Variants in CYB5B observed in about 807,000 individuals in gnomAD.
CYB5B encodes the protein cytochrome b5 type B.
A neutral mutation model predicts 21.3 loss-of-function variants in CYB5B; 14 were observed. The observed-to-expected ratio is 0.66, with a 90% CI of 0.43 to 1.03. The LOEUF (loss-of-function observed/expected upper bound fraction) is 1.03. Among genes scored for constraint, CYB5B ranks in the 50% least tolerant of loss-of-function variants. The pLI is 0.00. For missense variants in CYB5B, 166 were observed against 185.1 expected (o/e 0.90, Z 0.60); for synonymous variants, 69 against 68.4 (o/e 1.01, Z -0.04).
In CYB5B at chr16:69,464,154, A is replaced by AT. The variant is rs2142830788; in HGVS notation, c.*1637dup. The AT allele has an allele frequency of 6.6e-6, 1 of 152,314 alleles. No individual in the cohort carries two copies. Among genetic ancestry groups the AT allele is most frequent in the Admixed American group, 6.5e-5 (1 of 15,302 alleles). 9.4% of individuals were successfully genotyped at this position (152,314 alleles called of 1,614,324 possible). On this transcript the variant is annotated 3_prime_UTR_variant, in exon 5 of 5. Transcript: ENST00000307892. ...AAACCAGGGACTGCCCATGTAAACT[A>AT]TTTAAGAAAAAGTTCAACCCAGGTC...
intron 1 of CYB5B, among the ~76,000 whole-genome samples, chr16:69,435,091 T>C (rs1375345468): frequency 6.6e-6 from 1 of 152,114 alleles, no homozygotes; most frequent in African/African-American, 2.4e-5. Flanking sequence ...AGCTTTGGGG[T>C]CCAAGTGTCT....
Position 69,465,623 on chromosome 16 carries a change from C to A in CYB5B, c.*3103C>A, listed in dbSNP as rs1258305077. 1 of 152,180 alleles carries A rather than the reference C, an allele frequency of 6.6e-6. No individual in the cohort carries two copies. Among genetic ancestry groups the A allele is most frequent in the Admixed American group, 6.5e-5 (1 of 15,284 alleles). The allele number at this position is 152,180 out of a possible 1,614,324, so 9.4% of individuals were successfully genotyped here. Reference sequence around the variant, plus strand: ...ATACTCATTTAGCTGCAATGTGGGACAATGAAAAATGCTTTACAGGCCTGG... The same window carrying A: ...ATACTCATTTAGCTGCAATGTGGGAAAATGAAAAATGCTTTACAGGCCTGG... On this transcript the variant is annotated 3_prime_UTR_variant, in exon 5 of 5. Transcript: ENST00000307892.
intron 3 of CYB5B, among the ~76,000 whole-genome samples, chr16:69,457,132 T>G (rs1269844620): frequency 6.6e-6 from 1 of 152,206 alleles, no homozygotes; most frequent in South Asian, 2.1e-4. Context: ...TGTTTTAAGT[T>G]ATTTATTGTT....
At chr16:69,435,873 A>G (rs1490774802) in intron 1 of CYB5B, among the ~76,000 whole-genome samples, 1 of 152,162 alleles carries the variant, frequency 6.6e-6, no homozygotes, top group Non-Finnish European at 1.5e-5. Flanking sequence ...TCCTGACCTC[A>G]GGTGATCCTC....
At position 69,455,841 on chromosome 16, in the gene CYB5B, T is replaced by C. The variant is rs928898671; in HGVS notation, c.334-3252T>C. ...TACTTACGGTAGTGCTTCTTCAGTC[T>C]TCCTAGACATAAGAGAATGGTGTTT... On this transcript the variant is annotated intron_variant, in intron 3 of 4. Coordinates refer to ENST00000307892, the MANE Select transcript of CYB5B (RefSeq NM_030579.3). Among the ~76,000 whole-genome samples, 4 of 152,170 alleles carry C rather than the reference T, an allele frequency of 2.6e-5. No individual in the cohort carries two copies. The South Asian group carries it at 8.3e-4, about 32-fold the overall frequency.
chr16:69,445,338 C>G (rs1191841991), intron 1 of CYB5B, among the ~76,000 whole-genome samples: 1 of 152,100 alleles, frequency 6.6e-6, no homozygotes, highest in Non-Finnish European at 1.5e-5. Flanking sequence ...GGGTGGAGAC[C>G]TTTTAGGAGA....
intron 1 of CYB5B, among the ~76,000 whole-genome samples, chr16:69,435,730 C>T (rs573050458): frequency 7.9e-5 from 12 of 152,158 alleles, no homozygotes; most frequent in Middle Eastern, 6.8e-3. Flanking sequence ...CTCTGCCTCC[C>T]GGGTTCAAGC....
chr16:69,466,168 A>C lies in CYB5B; in HGVS notation c.*3648A>C, dbSNP rs957419765. The C allele has an allele frequency of 2.0e-5, 3 of 152,542 alleles. No individual in the cohort carries two copies. The highest frequency in any genetic ancestry group is 4.8e-5 in the African/African-American group (2 of 41,408). 9.4% of individuals were successfully genotyped at this position (152,542 alleles called of 1,614,324 possible). A position where few individuals can be genotyped will look rare whatever the true frequency, so the allele number is the denominator to read the frequency against. On this transcript the variant is annotated 3_prime_UTR_variant, in exon 5 of 5. Transcript: ENST00000307892. ...AATGCAGTTAGTTTACCTTTTTCAGAATATTTTGAACAAAGATCTTTGTCT... is the reference window on the plus strand; with the variant it reads ...AATGCAGTTAGTTTACCTTTTTCAGCATATTTTGAACAAAGATCTTTGTCT...
At chr16:69,431,551 C>T (rs1317017957) in intron 1 of CYB5B, among the ~76,000 whole-genome samples, 1 of 152,044 alleles carries the variant, frequency 6.6e-6, no homozygotes, top group Non-Finnish European at 1.5e-5. Flanking sequence ...GTGGACAGAT[C>T]ACTTGAGCTC....
intron 1 of CYB5B, among the ~76,000 whole-genome samples, chr16:69,434,681 T>C (rs1274074128): frequency 6.6e-6 from 1 of 152,052 alleles, no homozygotes; most frequent in African/African-American, 2.4e-5. Context: ...CTGGCCAACA[T>C]AGTGAAACCC....
chr16:69,433,550 G>A (rs1440693811), intron 1 of CYB5B, among the ~76,000 whole-genome samples: 1 of 152,098 alleles, frequency 6.6e-6, no homozygotes, highest in African/African-American at 2.4e-5. Flanking sequence ...CTTCACCACA[G>A]CTGCATAGGA....
At chr16:69,441,338 T>C (rs1357558683) in intron 1 of CYB5B, among the ~76,000 whole-genome samples, 1 of 152,052 alleles carries the variant, frequency 6.6e-6, no homozygotes, top group African/African-American at 2.4e-5. Context: ...GTATTTTTAG[T>C]ACAGACAGGG....
In CYB5B at chr16:69,440,745, C is replaced by CGTGTGTGTGTGTGTGTGTGTGTGT. The variant is rs56008000; in HGVS notation, c.175-6404_175-6381dup. ...AATGCTGCTATGGCCGTGTGTGTTGCGTGTGTGTGTGTGTGTGTGTGTGTA... is the reference window on the plus strand; with the variant it reads ...AATGCTGCTATGGCCGTGTGTGTTGCGTGTGTGTGTGTGTGTGTGTGTGTGTGTGTGTGTGTGTGTGTGTGTGTA... On this transcript the variant is annotated intron_variant, in intron 1 of 4. Transcript: ENST00000307892. Among the ~76,000 whole-genome samples the CGTGTGTGTGTGTGTGTGTGTGTGT allele has an allele frequency of 3.5e-3, 518 of 146,414 alleles. 6 individuals are homozygous for CGTGTGTGTGTGTGTGTGTGTGTGT. The highest frequency in any genetic ancestry group is 8.4e-3 in the African/African-American group (327 of 38,750).
At chr16:69,439,204 T>C (rs185885372) in intron 1 of CYB5B, among the ~76,000 whole-genome samples, 32 of 152,270 alleles carry the variant, frequency 2.1e-4, no homozygotes, top group South Asian at 4.1e-4. Flanking sequence ...CCAGCATCAT[T>C]TGTTGAAAAG....
In CYB5B at chr16:69,459,079, T is replaced by TA. The variant is rs1208790480; in HGVS notation, c.334-14_334-13insA. On this transcript the variant is annotated splice_polypyrimidine_tract_variant and intron_variant, in intron 3 of 4. Transcript: ENST00000307892. ...TGTTTGTTATTTTTGAATTTTTTTTTTTTTTTATTTCAGGACCCTTCAAAA... is the reference window on the plus strand; with the variant it reads ...TGTTTGTTATTTTTGAATTTTTTTTTATTTTTTATTTCAGGACCCTTCAAAA... 7 of 1,586,098 alleles carry TA rather than the reference T, an allele frequency of 4.4e-6. No individual in the cohort carries two copies. The highest frequency in any genetic ancestry group is 1.4e-5 in the African/African-American group (1 of 72,674).
intron 3 of CYB5B, chr16:69,448,427 G>T: frequency 2.6e-6 from 1 of 387,888 alleles, no homozygotes; most frequent in Non-Finnish European, 4.6e-6. Context: ...ATTAGTTTAT[G>T]GGTTCAGTTG....
At chr16:69,452,409 T>C (rs764649756) in intron 3 of CYB5B, among the ~76,000 whole-genome samples, 36 of 151,908 alleles carry the variant, frequency 2.4e-4, no homozygotes, top group Non-Finnish European at 4.1e-4. Flanking sequence ...GGCTGCACAC[T>C]GTGGCTCACG....
In CYB5B at chr16:69,447,410, G is replaced by A. The variant is rs918344304; in HGVS notation, c.303+132G>A. 14 of 1,225,802 alleles carry A rather than the reference G, an allele frequency of 1.1e-5. No individual in the cohort carries two copies. In the African/African-American group the frequency reaches 2.0e-4, roughly 17 times the overall value. 75.9% of individuals were successfully genotyped at this position (1,225,802 alleles called of 1,614,324 possible). ...TCATCCCAGTACTTTGGGATGCCAA[G>A]GCAGGCGGATCACTTGAGGTCAGGA... On this transcript the variant is annotated intron_variant, in intron 2 of 4. Transcript: ENST00000307892.
At chr16:69,454,531 C>T (rs1555510290) in intron 3 of CYB5B, among the ~76,000 whole-genome samples, 1 of 152,112 alleles carries the variant, frequency 6.6e-6, no homozygotes, top group Non-Finnish European at 1.5e-5. Context: ...ATAGTGTTAG[C>T]TCATGCTATA....
Sources: gnomAD v4.1 joint callset for allele counts (sites outside exome capture counted in the v4.1 genomes callset) on GRCh38, gnomAD v4.1.1 for gene constraint, MANE v1.5 for transcripts, NCBI Gene and HGNC (gene_info 2026-07-23, HGNC 2026-07-21) for gene names.